Variants in MEP1A observed in about 807,000 individuals in gnomAD.
MEP1A encodes the protein meprin A subunit alpha, also known as N-benzoyl-L-tyrosyl-P-amino-benzoic acid hydrolase subunit alpha.
In MEP1A, 68 loss-of-function variants were observed where a neutral mutation model predicts 84.5. The observed-to-expected ratio is 0.80, with a 90% CI of 0.66 to 0.98. The LOEUF is 0.98. Ranked by LOEUF, MEP1A falls within the 50% of genes least tolerant of loss-of-function variation. MEP1A has a pLI of 0.00. For missense variants in MEP1A, 887 were observed against 919.9 expected (o/e 0.96, Z 0.46); for synonymous variants, 337 against 336.8 (o/e 1.00, Z -0.01).
chr6:46,826,292 C>A (rs1767943602), intron 8 of MEP1A, 62 bp from the exon 9 acceptor site: 5 of 1,458,214 alleles, frequency 3.4e-6, no homozygotes, highest in Middle Eastern at 1.8e-4. Flanking sequence ...TGGCTTAAGA[C>A]ATTAGCTATT....
chr6:46,799,244 C>A, intron 5 of MEP1A, 63 bp downstream of exon 5: 1 of 1,113,922 alleles, frequency 9.0e-7, no homozygotes, highest in South Asian at 1.3e-5. Flanking sequence ...CTCAGCCTGT[C>A]CATGGGCTTC....
intron 6 of MEP1A, among the ~76,000 whole-genome samples, chr6:46,815,161 C>T (rs1767605931): frequency 1.3e-5 from 2 of 152,166 alleles, no homozygotes; most frequent in Admixed American, 1.3e-4. Context: ...TCAAGAGATT[C>T]TGACCTTTGT....
At chr6:46,845,557 G>A in the MEP1A span, among the ~76,000 whole-genome samples, 3,301 of 152,280 alleles carry the variant, frequency 0.022, 129 homozygotes, top group African/African-American at 0.076. Flanking sequence ...ATATGGCTTA[G>A]ACTAAGCCAA....
intron 6 of MEP1A, among the ~76,000 whole-genome samples, chr6:46,812,818 G>T (rs1356098901): frequency 6.6e-6 from 1 of 151,794 alleles, no homozygotes; most frequent in Non-Finnish European, 1.5e-5. Context: ...GTTTGACTGT[G>T]GTCTGAGAGT....
intron 7 of MEP1A, among the ~76,000 whole-genome samples, chr6:46,824,279 T>C (rs1359523012): frequency 6.6e-6 from 1 of 151,928 alleles, no homozygotes; most frequent in African/African-American, 2.4e-5. Context: ...CACACCCAGA[T>C]ACACACGTAT....
At chr6:46,810,033 C>A (rs560900339) in intron 6 of MEP1A, among the ~76,000 whole-genome samples, 4 of 151,780 alleles carry the variant, frequency 2.6e-5, no homozygotes, top group Non-Finnish European at 5.9e-5. Context: ...CTTTAAGGAA[C>A]CTCCACACTG....
At position 46,829,477 on chromosome 6, in the gene MEP1A, G is replaced by A. The variant is rs1451355954; in HGVS notation, c.1050G>A (p.Met350Ile). 1.9e-6 allele frequency: 3 copies of A among 1,614,216 alleles called. No homozygotes were observed. The highest frequency in any genetic ancestry group is 1.7e-6 in the Non-Finnish European group (2 of 1,180,032). Residue 350 changes from methionine (M) to isoleucine (I), a missense_variant, in exon 10 of 14, where the codon ATG becomes ATA. Coordinates refer to ENST00000230588, the MANE Select transcript of MEP1A (RefSeq NM_005588.3). ...AGTGCCTGCAATTTTTCTATAAAAT[G>A]ACGGGAAGTCCTTCAGACAGACTCG... ...KQQCLQFFYK[M>I]TGSPSDRLVV...
chr6:46,824,966 TA>T (rs1200423170), intron 7 of MEP1A, among the ~76,000 whole-genome samples: 1 of 123,150 alleles, frequency 8.1e-6, no homozygotes, highest in Non-Finnish European at 1.6e-5. Flanking sequence ...TAGATCTATT[TA>T]AATATATATA....
intron 5 of MEP1A, among the ~76,000 whole-genome samples, chr6:46,802,365 CT>C (rs1437977717): frequency 7.9e-5 from 12 of 151,712 alleles, no homozygotes; most frequent in Non-Finnish European, 1.3e-4. Flanking sequence ...AAAAATTTTA[CT>C]ACATAATGTT....
chr6:46,801,341 C>T (rs1027209934), intron 5 of MEP1A, among the ~76,000 whole-genome samples: 24 of 152,112 alleles, frequency 1.6e-4, no homozygotes, highest in Admixed American at 7.9e-4. Flanking sequence ...TATCTCCCTA[C>T]GATTTTAATT....
intron 10 of MEP1A, among the ~76,000 whole-genome samples, chr6:46,830,358 T>A (rs2150755138): frequency 6.6e-6 from 1 of 151,454 alleles, no homozygotes; most frequent in South Asian, 2.1e-4. Flanking sequence ...ACTTGAAGCC[T>A]ACTTGTGAAG....
At chr6:46,840,981 A>G (rs1210167156), downstream of MEP1A, among the ~76,000 whole-genome samples, 3 of 152,168 alleles carry the variant, frequency 2.0e-5, no homozygotes, top group Non-Finnish European at 4.4e-5. Flanking sequence ...TCAGAAGTGA[A>G]CTCTAGGCTT....
intron 3 of MEP1A, among the ~76,000 whole-genome samples, chr6:46,796,553 G>A (rs547009741): frequency 2.0e-5 from 3 of 152,284 alleles, no homozygotes; most frequent in Non-Finnish European, 4.4e-5. Context: ...CCCCAATCAA[G>A]AGAGTCATCT....
intron 9 of MEP1A, 124 bp from the exon 10 acceptor site, chr6:46,829,232 C>G (rs1222384012): frequency 5.4e-6 from 4 of 739,126 alleles, no homozygotes; most frequent in Non-Finnish European, 9.3e-6. Flanking sequence ...TTATTTTCCT[C>G]CGAAGAGTTC....
At chr6:46,844,543 G>C (rs186472484), downstream of MEP1A, among the ~76,000 whole-genome samples, 1,078 of 152,222 alleles carry the variant, frequency 7.1e-3, 10 homozygotes, top group Middle Eastern at 0.027. Flanking sequence ...TGGCTCACCA[G>C]CTCAATGAAA....
intron 8 of MEP1A, among the ~76,000 whole-genome samples, 169 bp from the exon 9 acceptor site, chr6:46,826,185 G>C (rs1212218873): frequency 1.3e-5 from 2 of 152,096 alleles, no homozygotes; most frequent in African/African-American, 4.8e-5. Context: ...CTATATATTA[G>C]CAAGTACTAA....
chr6:46,830,112 G>T (rs532022963), intron 10 of MEP1A, among the ~76,000 whole-genome samples: 1 of 151,876 alleles, frequency 6.6e-6, no homozygotes, highest in South Asian at 2.1e-4. Context: ...GCTGGGCATG[G>T]TGGCGCGCGC....
At chr6:46,836,532 C>T (rs1768221353) in intron 13 of MEP1A, among the ~76,000 whole-genome samples, 1 of 152,204 alleles carries the variant, frequency 6.6e-6, no homozygotes, top group South Asian at 2.1e-4. Flanking sequence ...CTAATGTTAG[C>T]ATATTACACA....
At chr6:46,823,659 G>A (rs1767834923) in intron 7 of MEP1A, among the ~76,000 whole-genome samples, 1 of 152,278 alleles carries the variant, frequency 6.6e-6, no homozygotes, top group East Asian at 1.9e-4. Context: ...CAAGGAGCTA[G>A]AGAAGGAGAA....
Sources: gnomAD v4.1 joint callset for allele counts (sites outside exome capture counted in the v4.1 genomes callset) on GRCh38, gnomAD v4.1.1 for gene constraint, MANE v1.5 for transcripts, NCBI Gene and HGNC (gene_info 2026-07-23, HGNC 2026-07-21) for gene names.